Variants in CNNM2 observed in about 807,000 individuals in gnomAD.
The protein encoded by CNNM2 is cyclin and CBS domain divalent metal cation transport mediator 2, also known as metal transporter CNNM2.
In CNNM2, 12 loss-of-function variants were observed where a neutral mutation model predicts 66.9. The ratio of observed to expected loss-of-function variants is 0.18; its 90% CI spans 0.11 to 0.29. The LOEUF is 0.29. Ranked by LOEUF, CNNM2 falls within the 10% of genes least tolerant of loss-of-function variation. The pLI, the probability that CNNM2 is intolerant of heterozygous loss-of-function variation, is 1.00. For missense variants in CNNM2, 705 were observed against 1,167.7 expected, an observed-to-expected ratio of 0.60 and a Z score of 5.77; for synonymous variants, 557 against 501.8, an observed-to-expected ratio of 1.11 and a Z score of -1.47.
At chr10:102,967,133 T>C (rs960037613) in intron 1 of CNNM2, among the ~76,000 whole-genome samples, 5 of 152,140 alleles carry the variant, frequency 3.3e-5, no homozygotes, top group African/African-American at 1.2e-4. Context: ...AAAATTTCTT[T>C]TAGAGATAGG....
At chr10:102,920,155 C>G (rs1378847324) in intron 1 of CNNM2, 54 bp downstream of exon 1, 2 of 1,613,514 alleles carry the variant, frequency 1.2e-6, no homozygotes, top group East Asian at 2.2e-5. Flanking sequence ...CCATCCTCCT[C>G]CCTACTTGAG....
In CNNM2 at chr10:103,068,555, G is replaced by A. The variant is rs757340947; in HGVS notation, c.2074-74G>A. 1.5e-4 allele frequency: 184 copies of A among 1,222,112 alleles called. No individual in the cohort carries two copies. The highest frequency in any genetic ancestry group is 2.0e-4 in the Non-Finnish European group (171 of 845,084). The allele number at this position is 1,222,112 out of a possible 1,614,324, so 75.7% of individuals were successfully genotyped here. ...GAAATCAGACAAAAATCTAAGGAAGGACCAAATATTGTACAGAGTGTGCCA... is the reference window on the plus strand; with the variant it reads ...GAAATCAGACAAAAATCTAAGGAAGAACCAAATATTGTACAGAGTGTGCCA... On this transcript the variant is annotated intron_variant, in intron 4 of 7. Transcript: ENST00000369878.
intron 1 of CNNM2, among the ~76,000 whole-genome samples, chr10:102,987,668 T>C (rs1452386595): frequency 1.3e-5 from 2 of 152,002 alleles, no homozygotes; most frequent in Non-Finnish European, 2.9e-5. Context: ...TTGTAATATA[T>C]ATAATTTATA....
intron 1 of CNNM2, among the ~76,000 whole-genome samples, chr10:102,986,269 T>G (rs1407847749): frequency 6.6e-6 from 1 of 152,124 alleles, no homozygotes; most frequent in African/African-American, 2.4e-5. Flanking sequence ...CTATCTTATT[T>G]TTTTGAGGCG....
chr10:102,920,187 C>T, intron 1 of CNNM2, 86 bp downstream of exon 1: 1 of 1,611,016 alleles, frequency 6.2e-7, no homozygotes, highest in Non-Finnish European at 8.5e-7. Context: ...CAGACCAACC[C>T]CCCAAGGCGA....
chr10:103,049,394 T>C (rs2065180234), intron 1 of CNNM2, among the ~76,000 whole-genome samples: 1 of 152,204 alleles, frequency 6.6e-6, no homozygotes, highest in South Asian at 2.1e-4. Flanking sequence ...GACCACACTT[T>C]GAGAACCACT....
At chr10:102,960,732 G>A (rs987878626) in intron 1 of CNNM2, among the ~76,000 whole-genome samples, 10 of 148,790 alleles carry the variant, frequency 6.7e-5, no homozygotes, top group African/African-American at 1.5e-4. Context: ...CTATCCTCCC[G>A]CCTCAGCCTC....
intron 1 of CNNM2, among the ~76,000 whole-genome samples, chr10:102,967,086 A>G (rs2063475122): frequency 6.6e-6 from 1 of 152,136 alleles, no homozygotes; most frequent in African/African-American, 2.4e-5. Context: ...ATCTGGGATT[A>G]CAGGTGCATG....
At chr10:102,940,003 A>AACAACAAAAAC (rs1554889978) in intron 1 of CNNM2, among the ~76,000 whole-genome samples, 480 of 150,768 alleles carry the variant, frequency 3.2e-3, no homozygotes, top group African/African-American at 5.8e-3. Flanking sequence ...ACAACAACAA[A>AACAACAAAAAC]AAAAAAACCG....
intron 1 of CNNM2, among the ~76,000 whole-genome samples, chr10:103,022,651 C>T (rs907295368): frequency 6.6e-6 from 1 of 152,194 alleles, no homozygotes; most frequent in East Asian, 1.9e-4. Context: ...TGGGTCCTCT[C>T]CTGTCTTACC....
At chr10:103,028,834 T>C (rs2064764499) in intron 1 of CNNM2, among the ~76,000 whole-genome samples, 1 of 145,948 alleles carries the variant, frequency 6.9e-6, no homozygotes, top group Admixed American at 6.8e-5. Flanking sequence ...TTTTCTTTTT[T>C]TTTTTTTTGA....
rs568066670 is a variant in CNNM2, at chr10:102,984,957, T to G, written c.1622-64750T>G. On this transcript the variant is annotated intron_variant, in intron 1 of 7. Coordinates refer to ENST00000369878, the MANE Select transcript of CNNM2 (RefSeq NM_017649.5). ...CACTGTGCCCGGGCTTTACTCTTAT[T>G]TTAAATGTCAGTTTGTTAAGGACAG... Among the ~76,000 whole-genome samples, 155 of 152,278 alleles carry G rather than the reference T, an allele frequency of 1.0e-3. 1 individual carries two copies. Among genetic ancestry groups the G allele is most frequent in the Non-Finnish European group, 2.8e-4 (19 of 68,030 alleles).
chr10:103,089,678 T>TTCC lies in CNNM2; in HGVS notation c.*12513_*12515dup, dbSNP rs537259520. On this transcript the variant is annotated 3_prime_UTR_variant, in exon 8 of 8. Coordinates refer to ENST00000369878, the MANE Select transcript of CNNM2 (RefSeq NM_017649.5). ...GGGGTTTTGGTTTTCCTCCTTATTCTTCCTCCTCCTCCTCCTCTTCATCAT... is the reference window on the plus strand; with the variant it reads ...GGGGTTTTGGTTTTCCTCCTTATTCTTCCTCCTCCTCCTCCTCCTCTTCATCAT... The TTCC allele has an allele frequency of 5.3e-5, 82 of 1,560,012 alleles. No homozygotes were observed. Among genetic ancestry groups the TTCC allele is most frequent in the East Asian group, 1.1e-4 (5 of 44,030 alleles).
chr10:103,036,484 A>G (rs921959595), intron 1 of CNNM2, among the ~76,000 whole-genome samples: 1 of 152,202 alleles, frequency 6.6e-6, no homozygotes, highest in East Asian at 1.9e-4. Flanking sequence ...TTGAATTACC[A>G]GGGATTGTTA....
chr10:103,055,017 T>G (rs1209581060), intron 3 of CNNM2, among the ~76,000 whole-genome samples: 1 of 152,240 alleles, frequency 6.6e-6, no homozygotes, highest in Non-Finnish European at 1.5e-5. Context: ...AACTTTGATA[T>G]GGATTTCTTG....
chr10:103,009,778 C>A (rs2064304948), intron 1 of CNNM2, among the ~76,000 whole-genome samples: 1 of 150,816 alleles, frequency 6.6e-6, no homozygotes, highest in Non-Finnish European at 1.5e-5. Context: ...TAGACAGTGT[C>A]TAAATGAGAT....
intron 1 of CNNM2, among the ~76,000 whole-genome samples, chr10:103,028,090 G>A (rs905541245): frequency 2.6e-5 from 4 of 152,194 alleles, no homozygotes; most frequent in South Asian, 2.1e-4. Context: ...GTCAGTGACC[G>A]AGAGCAGCCT....
intron 1 of CNNM2, among the ~76,000 whole-genome samples, chr10:103,017,763 C>G (rs1261212654): frequency 6.6e-6 from 1 of 151,780 alleles, no homozygotes; most frequent in Non-Finnish European, 1.5e-5. Context: ...GTCAGGAATT[C>G]AAGACCAACC....
chr10:103,031,320 C>T lies in CNNM2; in HGVS notation c.1622-18387C>T, dbSNP rs151098946. Among the ~76,000 whole-genome samples, 62 of 152,226 alleles carry T rather than the reference C, an allele frequency of 4.1e-4. 1 individual carries two copies. The highest frequency in any genetic ancestry group is 1.4e-3 in the African/African-American group (60 of 41,530). On this transcript the variant is annotated intron_variant, in intron 1 of 7. Transcript: ENST00000369878. ...GTGGCAATGTTGGAGTGGTCCCAAG[C>T]ATTTTTGGGATTCAGCTGTGGGAAA... is the stretch of plus-strand genomic sequence containing the variant.
Sources: gnomAD v4.1 joint callset for allele counts (sites outside exome capture counted in the v4.1 genomes callset) on GRCh38, gnomAD v4.1.1 for gene constraint, MANE v1.5 for transcripts, NCBI Gene and HGNC (gene_info 2026-07-23, HGNC 2026-07-21) for gene names.